Variants in CCT7 observed in about 807,000 individuals in gnomAD.
The protein encoded by CCT7 is chaperonin containing TCP1 subunit 7.
Under a neutral mutation model 56.6 loss-of-function variants are expected in CCT7, and 16 were observed. The ratio of observed to expected loss-of-function variants is 0.28; its 90% CI spans 0.19 to 0.43. The LOEUF (loss-of-function observed/expected upper bound fraction) is 0.43. Among genes scored for constraint, CCT7 ranks in the 20% least tolerant of loss-of-function variants. CCT7 has a pLI of 1.00. For missense variants in CCT7, 519 were observed against 685.6 expected, an observed-to-expected ratio of 0.76 and a Z score of 2.71; for synonymous variants, 262 against 254.8, an observed-to-expected ratio of 1.03 and a Z score of -0.27.
At position 73,250,367 on chromosome 2, in the gene CCT7, G is replaced by T; in HGVS notation, c.1132G>T (p.Ala378Ser). ...ATGCACCTTCATTCTCCGTGGCGGCGCCGAGCAGTTTATGGAGGAGACAGA... is the reference window on the plus strand; with the variant it reads ...ATGCACCTTCATTCTCCGTGGCGGCTCCGAGCAGTTTATGGAGGAGACAGA... ...KTCTFILRGG[A>S]EQFMEETERS... The change falls in exon 10 of 12, where the codon GCC becomes TCC. Residue 378 changes from alanine (A) to serine (S), a missense_variant. Around this residue, in one of 3 missense-constraint regions of CCT7, gnomAD observed 237 missense variants for 300.8 expected, o/e 0.79. Coordinates refer to ENST00000258091, the MANE Select transcript of CCT7 (RefSeq NM_006429.4). 1 of 1,614,088 alleles carries T rather than the reference G, an allele frequency of 6.2e-7. No homozygotes were observed. Among genetic ancestry groups the T allele is most frequent in the African/African-American group, 1.3e-5 (1 of 75,000 alleles).
At chr2:73,242,387 C>G (rs1687155547) in intron 3 of CCT7, among the ~76,000 whole-genome samples, 1 of 152,182 alleles carries the variant, frequency 6.6e-6, no homozygotes. Context: ...TCAAGCAATT[C>G]TCCTGCCTCA....
In CCT7 at chr2:73,248,738, G is replaced by T. The variant is rs60663626; in HGVS notation, c.784-253G>T. The stretch of plus-strand genomic sequence containing the variant: ...CCAGTTTAAACTATTTCTCGCATCT[G>T]GACAGCACCAGCTGTGGTTCTCAGC... On this transcript the variant is annotated intron_variant, in intron 7 of 11. Coordinates refer to ENST00000258091, the MANE Select transcript of CCT7 (RefSeq NM_006429.4). Among the ~76,000 whole-genome samples, 11,097 of 152,200 alleles carry T rather than the reference G, an allele frequency of 0.073. 900 individuals are homozygous for T. The highest frequency in any genetic ancestry group is 0.2 in the African/African-American group (8,503 of 41,482).
intron 1 of CCT7, 132 bp from the exon 2 acceptor site, chr2:73,239,511 T>G: frequency 1.3e-6 from 1 of 767,744 alleles, no homozygotes; most frequent in East Asian, 2.7e-5. Context: ...TGGTAGACAG[T>G]TGGGGGAATG....
chr2:73,240,084 A>T, intron 2 of CCT7: 1 of 363,582 alleles, frequency 2.8e-6, no homozygotes, highest in East Asian at 4.6e-5. Flanking sequence ...TGTTATCAAG[A>T]TGAGAAAATT....
At chr2:73,247,995 C>T (rs1214888562) in intron 7 of CCT7, 69 bp downstream of exon 7, 22 of 1,425,060 alleles carry the variant, frequency 1.5e-5, no homozygotes, top group Non-Finnish European at 2.1e-5. Flanking sequence ...CCTGGGTCTT[C>T]ATGGCTATTG....
chr2:73,235,631 A>G (rs866031584), intron 1 of CCT7: 4 of 831,294 alleles, frequency 4.8e-6, no homozygotes, highest in Middle Eastern at 3.1e-4. Context: ...CTCTGGAGCT[A>G]CACTGAATGC....
chr2:73,244,350 A>T, intron 5 of CCT7, 194 bp from the exon 6 acceptor site: 1 of 609,658 alleles, frequency 1.6e-6, no homozygotes, highest in South Asian at 2.2e-5. Flanking sequence ...ACTGTAGTTT[A>T]AAAGCTGCCA....
At position 73,252,881 on chromosome 2, in the gene CCT7, ATGGC is replaced by A. The variant is rs780448538; in HGVS notation, c.*31_*34del. ...CACTGAGAGGCACCCCACCCATCAC[ATGGC>A]TGGCTGGCTGCTGGGTGCACTTACC... On this transcript the variant is annotated 3_prime_UTR_variant, in exon 12 of 12. Transcript: ENST00000258091. 5.7e-5 allele frequency: 91 copies of A among 1,594,806 alleles called. No homozygotes were observed. In the Admixed American group the frequency reaches 1.5e-3, roughly 26 times the overall value.
At chr2:73,240,402 A>G in intron 2 of CCT7, 35 bp from the exon 3 acceptor site, 1 of 1,538,404 alleles carries the variant, frequency 6.5e-7, no homozygotes, top group Non-Finnish European at 9.0e-7. Flanking sequence ...AGCATTTAAG[A>G]AAGGGGCTTT....
Position 73,243,896 on chromosome 2 carries a change from G to A in CCT7, c.394-101G>A, listed in dbSNP as rs1574358295. The stretch of plus-strand genomic sequence containing the variant: ...TTCAGCTGTAGAGTAGAAATGCTTA[G>A]GATTTGGGAGTGAACAGACTCAGGA... On this transcript the variant is annotated intron_variant, in intron 4 of 11. Coordinates refer to ENST00000258091, the MANE Select transcript of CCT7 (RefSeq NM_006429.4). The A allele has an allele frequency of 3.9e-6, 4 of 1,030,406 alleles. No individual in the cohort carries two copies. The East Asian group carries it at 7.3e-5, about 19-fold the overall frequency. The allele number at this position is 1,030,406 out of a possible 1,614,324, so 63.8% of individuals were successfully genotyped here.
intron 3 of CCT7, among the ~76,000 whole-genome samples, chr2:73,242,468 CAG>C (rs1430192782): frequency 6.6e-6 from 1 of 152,034 alleles, no homozygotes. Flanking sequence ...TTAGTAGAGA[CAG>C]GGTTTCACCG....
In CCT7 at chr2:73,234,347, G is replaced by GA. The variant is rs1686760477; in HGVS notation, c.-31dup. On this transcript the variant is annotated 5_prime_UTR_variant, in exon 1 of 12. Transcript: ENST00000258091. ...GGCGGCCCGGTCTCGGAGAAGAGGGGAGAGTGGCGGGCCGCTGAATAAGCT... is the reference window on the plus strand; with the variant it reads ...GGCGGCCCGGTCTCGGAGAAGAGGGGAAGAGTGGCGGGCCGCTGAATAAGCT... 1 of 1,613,658 alleles carries GA rather than the reference G, an allele frequency of 6.2e-7. No individual in the cohort carries two copies. The highest frequency in any genetic ancestry group is 1.7e-5 in the Admixed American group (1 of 60,016).
intron 2 of CCT7, chr2:73,240,083 G>A: frequency 2.7e-6 from 1 of 363,842 alleles, no homozygotes; most frequent in Non-Finnish European, 4.9e-6. Context: ...TTGTTATCAA[G>A]ATGAGAAAAT....
At chr2:73,248,918 G>A in intron 7 of CCT7, 73 bp from the exon 8 acceptor site, 3 of 1,182,006 alleles carry the variant, frequency 2.5e-6, no homozygotes, top group Non-Finnish European at 3.7e-6. Flanking sequence ...GGGGGCAGAT[G>A]GGTATATTTT....
At chr2:73,234,406 C>G (rs201133012) in intron 1 of CCT7, 22 bp downstream of exon 1, 1 of 1,612,690 alleles carries the variant, frequency 6.2e-7, no homozygotes, top group Non-Finnish European at 8.5e-7. Context: ...CTCGCGCATC[C>G]GTCGCCATCA....
At chr2:73,248,561 G>A (rs569003462) in intron 7 of CCT7, among the ~76,000 whole-genome samples, 1 of 152,144 alleles carries the variant, frequency 6.6e-6, no homozygotes, top group East Asian at 1.9e-4. Flanking sequence ...CACCATGTTG[G>A]CCAGGCTGGT....
At position 73,244,634 on chromosome 2, in the gene CCT7, G is replaced by T. The variant is rs11544994; in HGVS notation, c.537G>T (p.Val179=). 1.9e-6 allele frequency: 3 copies of T among 1,613,710 alleles called. No homozygotes were observed. In the African/African-American group the frequency reaches 4.0e-5, roughly 22 times the overall value. The stretch of plus-strand genomic sequence containing the variant: ...AGAAAGCTTTCTTTGCTAAGATGGT[G>T]GTGGATGCAGTGATGATGCTCGATG... ...SQQKAFFAKM[V]VDAVMMLDDL... The change falls in exon 6 of 12, where the codon GTG becomes GTT. Residue 179 remains valine (V), a synonymous_variant. Coordinates refer to ENST00000258091, the MANE Select transcript of CCT7 (RefSeq NM_006429.4).
chr2:73,237,023 A>G (rs1254405145), intron 1 of CCT7, among the ~76,000 whole-genome samples: 1 of 152,214 alleles, frequency 6.6e-6, no homozygotes, highest in African/African-American at 2.4e-5. Flanking sequence ...TTCAGCCCCA[A>G]AAGCTGCTGA....
In CCT7 at chr2:73,234,335, C is replaced by T. The variant is rs1686758861; in HGVS notation, c.-44C>T. On this transcript the variant is annotated 5_prime_UTR_variant, in exon 1 of 12. Coordinates refer to ENST00000258091, the MANE Select transcript of CCT7 (RefSeq NM_006429.4). ...TGTGGGTTGCTGGGCGGCCCGGTCT[C>T]GGAGAAGAGGGGAGAGTGGCGGGCC... The T allele has an allele frequency of 1.2e-6, 2 of 1,613,298 alleles. No individual in the cohort carries two copies. The highest frequency in any genetic ancestry group is 1.3e-5 in the African/African-American group (1 of 74,946).
Sources: allele counts gnomAD v4.1 joint callset (sites outside exome capture counted in the v4.1 genomes callset), GRCh38; gene constraint gnomAD v4.1.1; regional missense constraint gnomAD v4.1.1; transcripts MANE v1.5; gene names NCBI Gene and HGNC (gene_info 2026-07-23, HGNC 2026-07-21).